The following INPP5A variants were observed in gnomAD, a reference collection of about 807,000 sequenced individuals.
The protein encoded by INPP5A is inositol polyphosphate-5-phosphatase A.
In INPP5A, 14 loss-of-function variants were observed where a neutral mutation model predicts 65.2. The ratio of observed to expected loss-of-function variants is 0.21; its 90% CI spans 0.14 to 0.34. The LOEUF (loss-of-function observed/expected upper bound fraction) is 0.34, where lower values mean the gene tolerates loss of function less well. Among genes scored for constraint, INPP5A ranks in the 10% least tolerant of loss-of-function variants. The pLI is 1.00. For missense variants in INPP5A, 431 were observed against 545.6 expected (o/e 0.79, Z 2.09); for synonymous variants, 207 against 208.3 (o/e 0.99, Z 0.05).
chr10:132,705,553 G>A lies in INPP5A; in HGVS notation c.475-2760G>A, dbSNP rs764290587. ...GAGCCATAGCCTGGCGTCCAAGTGC[G>A]TGGCCAGGCCGGGAGGAGTGTACAG... On this transcript the variant is annotated intron_variant, in intron 6 of 15. Coordinates refer to ENST00000368594, the MANE Select transcript of INPP5A (RefSeq NM_005539.5). This position sits in a 1 kb window ranked among gnomAD's most constrained non-coding sequence, Gnocchi z 4.9. Among the ~76,000 whole-genome samples, 20 of 152,382 alleles carry A rather than the reference G, an allele frequency of 1.3e-4. No homozygotes were observed. Among genetic ancestry groups the A allele is most frequent in the South Asian group, 1.0e-3 (5 of 4,834 alleles).
intron 9 of INPP5A, among the ~76,000 whole-genome samples, chr10:132,740,076 C>T (rs1846247168): frequency 6.6e-6 from 1 of 152,188 alleles, no homozygotes; most frequent in African/African-American, 2.4e-5. Context: ...CTTTCCCACT[C>T]CACGGCAATG....
intron 9 of INPP5A, among the ~76,000 whole-genome samples, chr10:132,748,021 G>A (rs981886759): frequency 6.6e-6 from 1 of 152,256 alleles, no homozygotes; most frequent in Middle Eastern, 3.4e-3. Flanking sequence ...CTGCGCTCTG[G>A]CCTGGATGAC....
chr10:132,737,093 C>T (rs2134608262), intron 9 of INPP5A, among the ~76,000 whole-genome samples: 1 of 152,368 alleles, frequency 6.6e-6, no homozygotes, highest in African/African-American at 2.4e-5. Flanking sequence ...AAACTGAGAG[C>T]ATGGCGGCTG....
intron 5 of INPP5A, among the ~76,000 whole-genome samples, chr10:132,696,209 T>G (rs1378025876): frequency 3.9e-5 from 6 of 152,200 alleles, no homozygotes; most frequent in Non-Finnish European, 8.8e-5. Context: ...AGCTGCCCAG[T>G]GGACTAAGGC....
intron 11 of INPP5A, among the ~76,000 whole-genome samples, chr10:132,765,422 C>T (rs1414619477): frequency 1.3e-5 from 2 of 152,224 alleles, no homozygotes; most frequent in South Asian, 2.1e-4. Flanking sequence ...AGCTGTGTTC[C>T]CTCTGCTGGG....
chr10:132,725,032 G>T (rs187900584), intron 8 of INPP5A, among the ~76,000 whole-genome samples: 85 of 148,942 alleles, frequency 5.7e-4, no homozygotes, highest in African/African-American at 2.0e-3. Context: ...CCCCAGGCCA[G>T]CAGGAGCACA....
intron 9 of INPP5A, among the ~76,000 whole-genome samples, chr10:132,744,947 G>A (rs568231923): frequency 1.3e-5 from 2 of 152,332 alleles, no homozygotes; most frequent in African/African-American, 4.8e-5. Flanking sequence ...GTGCTGTCCT[G>A]GGCCCGGCGG....
At chr10:132,681,076 GCCCCAGTGCGGGATCCA>G (rs1477396007) in intron 4 of INPP5A, among the ~76,000 whole-genome samples, 1 of 152,260 alleles carries the variant, frequency 6.6e-6, no homozygotes, top group African/African-American at 2.4e-5. Flanking sequence ...TCCACCTGCA[GCCCCAGTGCGGGATCCA>G]CCGTGTGAAG....
Position 132,616,798 on chromosome 10 carries a change from G to C in INPP5A, c.117+8842G>C, listed in dbSNP as rs1590870997. Among the ~76,000 whole-genome samples the C allele has an allele frequency of 6.6e-6, 1 of 152,024 alleles. No homozygotes were observed. Among genetic ancestry groups the C allele is most frequent in the South Asian group, 2.1e-4 (1 of 4,830 alleles). ...GATATGGGGTCCTGGATCTCCTGTA[G>C]CTCTGGCCAGTGGCGAGTGGCACCA... On this transcript the variant is annotated intron_variant, in intron 2 of 15. Transcript: ENST00000368594. This position sits in a 1 kb window ranked among gnomAD's most constrained non-coding sequence, Gnocchi z 4.9.
chr10:132,544,918 G>A (rs546716522), intron 1 of INPP5A, among the ~76,000 whole-genome samples: 3 of 152,272 alleles, frequency 2.0e-5, no homozygotes, highest in African/African-American at 7.2e-5. Flanking sequence ...TAGATCACCC[G>A]GGTTAGGGGT....
At position 132,547,507 on chromosome 10, in the gene INPP5A, G is replaced by A. The variant is rs896949263; in HGVS notation, c.75+9336G>A. Among the ~76,000 whole-genome samples the A allele has an allele frequency of 3.3e-5, 5 of 152,126 alleles. No individual in the cohort carries two copies. The highest frequency in any genetic ancestry group is 1.2e-4 in the African/African-American group (5 of 41,420). On this transcript the variant is annotated intron_variant, in intron 1 of 15. Transcript: ENST00000368594. This position sits in a 1 kb window ranked among gnomAD's most constrained non-coding sequence, Gnocchi z 5.5. ...CTGCCGTGGTGAATATAACCGGGAG[G>A]GAGTGCCCGCCTCTGCCCACCTGCC...
intron 2 of INPP5A, among the ~76,000 whole-genome samples, chr10:132,619,141 T>A (rs999036570): frequency 6.6e-6 from 1 of 152,216 alleles, no homozygotes; most frequent in Non-Finnish European, 1.5e-5. Context: ...ACAAGGCATG[T>A]CCTTTCCACC....
At chr10:132,766,690 G>A (rs61860768) in intron 12 of INPP5A, among the ~76,000 whole-genome samples, 1 of 152,174 alleles carries the variant, frequency 6.6e-6, no homozygotes, top group Admixed American at 6.5e-5. Flanking sequence ...GCACATGTGT[G>A]TGTGTTCACG....
At chr10:132,779,768 G>A (rs564582521) in intron 13 of INPP5A, among the ~76,000 whole-genome samples, 1 of 152,358 alleles carries the variant, frequency 6.6e-6, no homozygotes, top group Admixed American at 6.5e-5. Flanking sequence ...CATCCATCAT[G>A]ACACGCGCCG....
intron 1 of INPP5A, among the ~76,000 whole-genome samples, chr10:132,588,687 T>A (rs536416984): frequency 7.2e-5 from 11 of 152,318 alleles, no homozygotes; most frequent in East Asian, 5.8e-4. Flanking sequence ...GCTTTTTTTT[T>A]AAATGACTTG....
chr10:132,577,195 G>A (rs1258683896), intron 1 of INPP5A, among the ~76,000 whole-genome samples: 2 of 152,216 alleles, frequency 1.3e-5, no homozygotes, highest in Non-Finnish European at 2.9e-5. Context: ...AGACTGGGTC[G>A]TGGTGCCCTG....
chr10:132,596,240 C>T (rs765601242), intron 1 of INPP5A, among the ~76,000 whole-genome samples: 2 of 152,142 alleles, frequency 1.3e-5, no homozygotes, highest in East Asian at 1.9e-4. Context: ...CGTGGCATGG[C>T]GGCGTGGCGG....
rs1474302920 is a variant in INPP5A at position 132,561,931 on chromosome 10, G to T, written c.75+23760G>T. On this transcript the variant is annotated intron_variant, in intron 1 of 15. Coordinates refer to ENST00000368594, the MANE Select transcript of INPP5A (RefSeq NM_005539.5). ...CCTGTCCTCAGGGGCATGTGATGTG[G>T]CTGGGAGATCCCGGCAAGATGATTT... is the stretch of plus-strand genomic sequence containing the variant. Among the ~76,000 whole-genome samples the T allele has an allele frequency of 4.6e-5, 7 of 152,244 alleles. No individual in the cohort carries two copies. The East Asian group carries it at 1.3e-3, about 29-fold the overall frequency.
intron 2 of INPP5A, among the ~76,000 whole-genome samples, chr10:132,642,205 G>A (rs761473422): frequency 4.6e-5 from 7 of 152,216 alleles, no homozygotes; most frequent in Non-Finnish European, 8.8e-5. Context: ...CATCTGCAGA[G>A]GAGGCCTGGG....
Sources: gnomAD v4.1 joint callset for allele counts (sites outside exome capture counted in the v4.1 genomes callset) on GRCh38, gnomAD v4.1.1 for gene constraint, Gnocchi (gnomAD v3.1) non-coding constraint, MANE v1.5 for transcripts, NCBI Gene and HGNC (gene_info 2026-07-23, HGNC 2026-07-21) for gene names.